Variants in LHFPL2 observed in about 807,000 individuals in gnomAD.
LHFPL2 encodes LHFPL tetraspan subfamily member 2 protein.
LHFPL2 carries 7 observed loss-of-function variants against 17.5 expected under a neutral mutation model. That is an observed-to-expected ratio of 0.40 (90% CI 0.23 to 0.75). The LOEUF is 0.75. Among genes scored for constraint, LHFPL2 ranks in the 30% least tolerant of loss-of-function variants. The pLI is 0.37. For missense variants in LHFPL2, 241 were observed against 294.8 expected, an observed-to-expected ratio of 0.82 and a Z score of 1.34; for synonymous variants, 134 against 116.2, an observed-to-expected ratio of 1.15 and a Z score of -0.99.
rs900436299 is a variant in LHFPL2, at chr5:78,488,072, C to T, written c.*825G>A. 2.6e-5 allele frequency: 4 copies of T among 152,132 alleles called. No homozygotes were observed. Among genetic ancestry groups the T allele is most frequent in the Admixed American group, 6.5e-5 (1 of 15,276 alleles). 9.4% of individuals were successfully genotyped at this position (152,132 alleles called of 1,614,324 possible). ...AGGAGGAAACAGTGAGGTTTCCTTT[C>T]GCAGTCAAAGCACAATCCTAACCTT... On this transcript the variant is annotated 3_prime_UTR_variant, in exon 5 of 5. Transcript: ENST00000380345.
intron 4 of LHFPL2, among the ~76,000 whole-genome samples, chr5:78,505,687 A>T (rs1754911220): frequency 6.6e-6 from 1 of 152,254 alleles, no homozygotes; most frequent in Admixed American, 6.5e-5. Context: ...AAGCTACAAG[A>T]TATCCCTGTT....
Position 78,578,585 on chromosome 5 carries a change from G to GCACACACA in LHFPL2, c.-244-13722_-244-13715dup, listed in dbSNP as rs61127481. On this transcript the variant is annotated intron_variant, in intron 2 of 4. Coordinates refer to ENST00000380345, the MANE Select transcript of LHFPL2 (RefSeq NM_005779.3). Reference sequence around the variant, plus strand: ...CTTAGGCTGTTTTTCTTGCATATGTGCACACACACACACACACACACACAC... The same window carrying GCACACACA: ...CTTAGGCTGTTTTTCTTGCATATGTGCACACACACACACACACACACACACACACACAC... 3.1e-3 allele frequency among the ~76,000 whole-genome samples: 458 copies of GCACACACA among 146,990 alleles called. 1 individual carries two copies. The highest frequency in any genetic ancestry group is 6.6e-3 in the African/African-American group (264 of 40,064).
chr5:78,557,565 A>G (rs1003010253), intron 3 of LHFPL2, among the ~76,000 whole-genome samples: 2 of 152,252 alleles, frequency 1.3e-5, no homozygotes, highest in Admixed American at 6.5e-5. Context: ...GACCAGTCAC[A>G]TTAGATTCCT....
At chr5:78,612,195 T>A (rs1744443261) in intron 2 of LHFPL2, among the ~76,000 whole-genome samples, 1 of 152,224 alleles carries the variant, frequency 6.6e-6, no homozygotes, top group African/African-American at 2.4e-5. Context: ...CAAACTGACT[T>A]TGTGAAGACT....
chr5:78,508,527 A>C (rs1304587995), intron 4 of LHFPL2, among the ~76,000 whole-genome samples: 1 of 152,162 alleles, frequency 6.6e-6, no homozygotes, highest in Non-Finnish European at 1.5e-5. Flanking sequence ...GGGGCCTCCT[A>C]AGATCTGAGG....
Position 78,485,985 on chromosome 5 carries a change from C to T in LHFPL2, c.*2912G>A, listed in dbSNP as rs1484471670. On this transcript the variant is annotated 3_prime_UTR_variant, in exon 5 of 5. Transcript: ENST00000380345. ...TCCTTGCCAAAACAGAAACAAACAT[C>T]CCTGTTTTGACTCCTGTCCAGTTTC... 2 of 152,550 alleles carry T rather than the reference C, an allele frequency of 1.3e-5. No homozygotes were observed. The highest frequency in any genetic ancestry group is 2.9e-5 in the Non-Finnish European group (2 of 68,022). 9.4% of individuals were successfully genotyped at this position (152,550 alleles called of 1,614,324 possible).
intron 2 of LHFPL2, among the ~76,000 whole-genome samples, chr5:78,596,466 A>C (rs1179865774): frequency 6.6e-6 from 1 of 152,230 alleles, no homozygotes; most frequent in Admixed American, 6.5e-5. Flanking sequence ...CATGAGTCTC[A>C]CAGTGCCCAG....
intron 1 of LHFPL2, among the ~76,000 whole-genome samples, chr5:78,633,541 G>A (rs1431437739): frequency 6.6e-6 from 1 of 152,258 alleles, no homozygotes; most frequent in East Asian, 1.9e-4. Flanking sequence ...GGTGATGCTT[G>A]CTAAGGGCAA....
chr5:78,550,415 T>C (rs1474696537), intron 3 of LHFPL2, among the ~76,000 whole-genome samples: 2 of 151,906 alleles, frequency 1.3e-5, no homozygotes, highest in Non-Finnish European at 2.9e-5. Context: ...CCAAGAACAG[T>C]CAAGAGCAGT....
intron 2 of LHFPL2, among the ~76,000 whole-genome samples, chr5:78,572,256 A>G (rs1455111386): frequency 6.6e-6 from 1 of 152,066 alleles, no homozygotes; most frequent in African/African-American, 2.4e-5. Context: ...ACCCCCAGAA[A>G]AGCATGTGAA....
intron 3 of LHFPL2, among the ~76,000 whole-genome samples, chr5:78,558,285 G>A (rs1250412095): frequency 1.3e-5 from 2 of 152,194 alleles, no homozygotes; most frequent in South Asian, 2.1e-4. Flanking sequence ...ACCCCTACAC[G>A]ATCCCAGTGT....
intron 3 of LHFPL2, among the ~76,000 whole-genome samples, chr5:78,523,608 G>A (rs946502675): frequency 3.3e-5 from 5 of 152,176 alleles, no homozygotes; most frequent in African/African-American, 1.2e-4. Context: ...AGGCAAGGGC[G>A]AGGACAGAAT....
At position 78,625,141 on chromosome 5, in the gene LHFPL2, A is replaced by G. The variant is rs138992912; in HGVS notation, c.-245+7123T>C. ...GCAGAGACCCTGTGTGCAGGACTTC[A>G]TCCTACTCCTGTTGCTACAGTGACC... On this transcript the variant is annotated intron_variant, in intron 2 of 4. Transcript: ENST00000380345. 242 of 152,200 alleles carry G rather than the reference A, an allele frequency of 1.6e-3. 2 individuals are homozygous for G. The highest frequency in any genetic ancestry group is 5.6e-3 in the African/African-American group (233 of 41,482). The allele number at this position is 152,200 out of a possible 1,614,324, so 9.4% of individuals were successfully genotyped here. A position where few individuals can be genotyped will look rare whatever the true frequency, so the allele number is the denominator to read the frequency against.
chr5:78,629,653 C>T (rs1306844247), intron 2 of LHFPL2, among the ~76,000 whole-genome samples: 1 of 152,204 alleles, frequency 6.6e-6, no homozygotes, highest in African/African-American at 2.4e-5. Flanking sequence ...ATACCTGGTT[C>T]CCAGGCATTT....
At chr5:78,580,534 G>A (rs910559280) in intron 2 of LHFPL2, among the ~76,000 whole-genome samples, 2 of 149,266 alleles carry the variant, frequency 1.3e-5, no homozygotes, top group Non-Finnish European at 3.0e-5. Context: ...AAGGTGTAAG[G>A]AAGGGATCCA....
intron 3 of LHFPL2, chr5:78,548,895 A>C (rs1756360345): frequency 6.6e-6 from 1 of 152,252 alleles, no homozygotes; most frequent in Non-Finnish European, 1.5e-5. Flanking sequence ...AGAAAGTATC[A>C]GATTAGATAA....
intron 3 of LHFPL2, among the ~76,000 whole-genome samples, chr5:78,563,700 CAAAAAAAA>C (rs1198192351): frequency 1.1e-5 from 1 of 93,330 alleles, no homozygotes; most frequent in African/African-American, 3.3e-5. Context: ...GACTCCACTT[CAAAAAAAA>C]AAAAAAAAAG....
At chr5:78,618,505 G>T (rs1017007725) in intron 2 of LHFPL2, among the ~76,000 whole-genome samples, 2 of 152,204 alleles carry the variant, frequency 1.3e-5, no homozygotes, top group Non-Finnish European at 2.9e-5. Context: ...GCTGGGTCCA[G>T]ATAAGAACAT....
intron 3 of LHFPL2, among the ~76,000 whole-genome samples, chr5:78,550,147 A>AC (rs1756398516): frequency 6.6e-6 from 1 of 152,232 alleles, no homozygotes; most frequent in African/African-American, 2.4e-5. Flanking sequence ...CTGGACCACT[A>AC]GCAAACCACG....
Sources: gnomAD v4.1 joint callset for allele counts (sites outside exome capture counted in the v4.1 genomes callset) on GRCh38, gnomAD v4.1.1 for gene constraint, MANE v1.5 for transcripts, NCBI Gene and HGNC (gene_info 2026-07-23, HGNC 2026-07-21) for gene names.